Variants in FAM107B observed in about 807,000 individuals in gnomAD.
The protein encoded by FAM107B is protein FAM107B.
FAM107B carries 21 observed loss-of-function variants against 31.5 expected under a neutral mutation model. The observed-to-expected ratio is 0.67, with a 90% CI of 0.47 to 0.96. The LOEUF (loss-of-function observed/expected upper bound fraction) is 0.96. FAM107B is among the 40% of genes least tolerant of loss of function. The probability of loss-of-function intolerance (pLI) is 0.00; values close to 1 mark genes in which losing one functional copy is unlikely to be tolerated. For synonymous variants in FAM107B, 157 were observed against 141.5 expected (o/e 1.11, Z -0.78); for missense variants, 452 against 377.1 (o/e 1.20, Z -1.64).
chr10:14,740,153 G>A lies in FAM107B; in HGVS notation c.411+34100C>T, dbSNP rs368975424. Among the ~76,000 whole-genome samples the A allele has an allele frequency of 1.1e-4, 16 of 152,256 alleles. No individual in the cohort carries two copies. The East Asian group carries it at 1.5e-3, about 15-fold the overall frequency. On this transcript the variant is annotated intron_variant, in intron 1 of 4. Coordinates refer to ENST00000181796, the MANE Select transcript of FAM107B (RefSeq NM_031453.4). ...AATGAATTCACACAAAAACCTACACGTGAATGTTTATAGAAGCGATATTCA... is the reference window on the plus strand; with the variant it reads ...AATGAATTCACACAAAAACCTACACATGAATGTTTATAGAAGCGATATTCA...
At chr10:14,689,301 A>T (rs1471193146) in intron 1 of FAM107B, among the ~76,000 whole-genome samples, 1 of 149,368 alleles carries the variant, frequency 6.7e-6, no homozygotes, top group Non-Finnish European at 1.5e-5. Flanking sequence ...GATTGCTTGA[A>T]CCCAGGAGGT....
intron 2 of FAM107B, among the ~76,000 whole-genome samples, chr10:14,634,759 G>A (rs1334721961): frequency 6.6e-6 from 1 of 152,024 alleles, no homozygotes; most frequent in African/African-American, 2.4e-5. Context: ...TGTGGGGGTG[G>A]AGATTTAGGC....
At chr10:14,627,132 C>A (rs1436831370) in intron 2 of FAM107B, among the ~76,000 whole-genome samples, 1 of 152,112 alleles carries the variant, frequency 6.6e-6, no homozygotes, top group Non-Finnish European at 1.5e-5. Flanking sequence ...GCACCAATTA[C>A]CCCAGGGCAA....
At chr10:14,670,324 T>C (rs1293054127) in intron 1 of FAM107B, among the ~76,000 whole-genome samples, 1 of 152,242 alleles carries the variant, frequency 6.6e-6, no homozygotes, top group Admixed American at 6.5e-5. Context: ...CTCAAATGTA[T>C]GTGTTGTAAG....
At chr10:14,724,111 C>A in intron 1 of FAM107B, 3 of 576,966 alleles carry the variant, frequency 5.2e-6, no homozygotes, top group South Asian at 3.7e-5. Context: ...CAAATGGACT[C>A]CTCTGTGGGT....
chr10:14,711,688 G>A (rs1855650535), intron 1 of FAM107B, among the ~76,000 whole-genome samples: 1 of 152,168 alleles, frequency 6.6e-6, no homozygotes, highest in Non-Finnish European at 1.5e-5. Context: ...CTGTCGCGCA[G>A]GCTGGGGTGC....
chr10:14,735,256 A>G (rs1399345949), intron 1 of FAM107B, among the ~76,000 whole-genome samples: 1 of 152,178 alleles, frequency 6.6e-6, no homozygotes, highest in Non-Finnish European at 1.5e-5. Flanking sequence ...ACACAAATTC[A>G]TAAACTTTCT....
At chr10:14,711,922 G>T (rs1251723212) in intron 1 of FAM107B, among the ~76,000 whole-genome samples, 1 of 152,228 alleles carries the variant, frequency 6.6e-6, no homozygotes, top group Non-Finnish European at 1.5e-5. Context: ...GGGATTACAG[G>T]TGTGCGCCAC....
At position 14,774,278 on chromosome 10, in the gene FAM107B, C is replaced by CT. The variant is rs1274022869; in HGVS notation, c.385dup (p.Arg129LysfsTer6). 6.2e-7 allele frequency: 1 copy of CT among 1,612,698 alleles called. No homozygotes were observed. Among genetic ancestry groups the CT allele is most frequent in the East Asian group, 2.2e-5 (1 of 44,872 alleles). On this transcript the variant is annotated frameshift_variant, in exon 1 of 5. Coordinates refer to ENST00000181796, the MANE Select transcript of FAM107B (RefSeq NM_031453.4). LOFTEE classifies it high-confidence loss of function. ...CTTGGGCGTGTCAATAATTGATGGTCTGGGGATGGAAGCGTGAAACACCAC... is the reference window on the plus strand; with the variant it reads ...CTTGGGCGTGTCAATAATTGATGGTCTTGGGGATGGAAGCGTGAAACACCAC...
At chr10:14,581,843 C>T (rs534778639) in intron 2 of FAM107B, among the ~76,000 whole-genome samples, 2 of 152,274 alleles carry the variant, frequency 1.3e-5, no homozygotes, top group Non-Finnish European at 2.9e-5. Flanking sequence ...TCCAGGGCTG[C>T]AGTGAACTGT....
In FAM107B at chr10:14,662,378, C is replaced by CTGT. The variant is rs372383515; in HGVS notation, c.469+5255_469+5256insACA. On this transcript the variant is annotated intron_variant, in intron 2 of 4. Coordinates refer to ENST00000181796, the MANE Select transcript of FAM107B (RefSeq NM_031453.4). ...TCCCTTCATCTGACCTCTGACCTGTCTTTTTTTTTTTTTTTGGAGACAGGG... is the reference window on the plus strand; with the variant it reads ...TCCCTTCATCTGACCTCTGACCTGTCTGTTTTTTTTTTTTTTTTGGAGACAGGG... Among the ~76,000 whole-genome samples the CTGT allele has an allele frequency of 1.5e-3, 215 of 139,648 alleles. 1 individual carries two copies. The highest frequency in any genetic ancestry group is 3.7e-3 in the Middle Eastern group (1 of 272). The allele number at this position is 139,648 out of a possible 152,430, so 91.6% of individuals were successfully genotyped here. A position where few individuals can be genotyped will look rare whatever the true frequency, so the allele number is the denominator to read the frequency against.
At chr10:14,604,119 C>A in intron 2 of FAM107B, 1 of 497,190 alleles carries the variant, frequency 2.0e-6, no homozygotes, top group Non-Finnish European at 2.6e-6. Context: ...CGGGGACCCC[C>A]CACCCGCCCG....
chr10:14,767,097 GAGAC>G (rs1366088391), intron 1 of FAM107B, among the ~76,000 whole-genome samples: 26 of 113,808 alleles, frequency 2.3e-4, no homozygotes, highest in African/African-American at 6.0e-4. Context: ...GAGAGAGAGA[GAGAC>G]AGAGAGAGAG....
At chr10:14,641,777 G>C (rs541739744) in intron 2 of FAM107B, among the ~76,000 whole-genome samples, 1 of 152,310 alleles carries the variant, frequency 6.6e-6, no homozygotes, top group Admixed American at 6.5e-5. Flanking sequence ...ATATGAATTT[G>C]TGGTGGGGCA....
intron 2 of FAM107B, among the ~76,000 whole-genome samples, chr10:14,640,027 C>T (rs1224584840): frequency 6.6e-6 from 1 of 152,230 alleles, no homozygotes; most frequent in African/African-American, 2.4e-5. Flanking sequence ...AGCAACATCT[C>T]TCAGAGATCC....
At chr10:14,556,373 T>C (rs1380591911) in intron 2 of FAM107B, 7 of 985,494 alleles carry the variant, frequency 7.1e-6, no homozygotes, top group Non-Finnish European at 8.4e-6. Flanking sequence ...TCAGAGTTTC[T>C]GGACTGTTCA....
intron 1 of FAM107B, among the ~76,000 whole-genome samples, chr10:14,768,359 A>C (rs1249864651): frequency 1.3e-5 from 2 of 152,222 alleles, no homozygotes; most frequent in African/African-American, 2.4e-5. Context: ...GAAATGGGAG[A>C]ACAACATTGG....
intron 2 of FAM107B, chr10:14,556,485 C>G (rs897217750): frequency 3.3e-6 from 3 of 904,972 alleles, no homozygotes; most frequent in African/African-American, 1.8e-5. Context: ...TGTCAAGCCC[C>G]GACCTAACGA....
intron 2 of FAM107B, among the ~76,000 whole-genome samples, chr10:14,601,553 C>A (rs1305784091): frequency 6.6e-6 from 1 of 152,178 alleles, no homozygotes; most frequent in Non-Finnish European, 1.5e-5. Flanking sequence ...CAGAGGACAT[C>A]CCACTCCACA....
Sources: allele counts gnomAD v4.1 joint callset (sites outside exome capture counted in the v4.1 genomes callset), GRCh38; gene constraint gnomAD v4.1.1; transcripts MANE v1.5; gene names NCBI Gene and HGNC (gene_info 2026-07-23, HGNC 2026-07-21).